The following TTF2 variants were observed in gnomAD, a reference collection of about 807,000 sequenced individuals.
TTF2 encodes RNA polymerase II termination factor.
In TTF2, 108 loss-of-function variants were observed where a neutral mutation model predicts 142.4. The observed-to-expected ratio is 0.76, with a 90% CI of 0.65 to 0.89. TTF2 has a LOEUF of 0.89. TTF2 is among the 40% of genes least tolerant of loss of function. The probability of loss-of-function intolerance (pLI) is 0.00; values close to 1 mark genes in which losing one functional copy is unlikely to be tolerated. For synonymous variants in TTF2, 483 were observed against 506.2 expected (o/e 0.95, Z 0.61); for missense variants, 1,327 against 1,379.8 (o/e 0.96, Z 0.61).
Position 117,100,305 on chromosome 1 carries a change from C to T in TTF2, c.3345-1075C>T, listed in dbSNP as rs905615327. Among the ~76,000 whole-genome samples, 1 of 152,150 alleles carries T rather than the reference C, an allele frequency of 6.6e-6. No homozygotes were observed. Among genetic ancestry groups the T allele is most frequent in the Non-Finnish European group, 1.5e-5 (1 of 68,026 alleles). On this transcript the variant is annotated intron_variant, in intron 22 of 22. Coordinates refer to ENST00000369466, the MANE Select transcript of TTF2 (RefSeq NM_003594.4). This position sits in a 1 kb window ranked among gnomAD's most constrained non-coding sequence, Gnocchi z 4.6. ...TTCTCGCTTTTCCACTTACCAAGTC[C>T]TTTAGTTATATTTTCTAAATGTTTC... is the stretch of plus-strand genomic sequence containing the variant.
chr1:117,061,842 C>T (rs1271093846), intron 2 of TTF2, among the ~76,000 whole-genome samples: 1 of 152,122 alleles, frequency 6.6e-6, no homozygotes, highest in Non-Finnish European at 1.5e-5. Flanking sequence ...AAAAAAGTGC[C>T]ACAGGTTTAG....
rs1278625942 is a variant in TTF2 at position 117,091,269 on chromosome 1, G to A, written c.2589-59G>A. On this transcript the variant is annotated intron_variant, in intron 15 of 22. Transcript: ENST00000369466. ...TTGTCAAGATCCCACTGCAGGCACA[G>A]TTAAGCAGGTCTTAGTGACCATTAT... is the stretch of plus-strand genomic sequence containing the variant. 1.0e-5 allele frequency: 15 copies of A among 1,453,166 alleles called. No homozygotes were observed. In the Admixed American group the frequency reaches 3.1e-4, roughly 30 times the overall value. 90.0% of individuals were successfully genotyped at this position (1,453,166 alleles called of 1,614,324 possible). A position where few individuals can be genotyped will look rare whatever the true frequency, so the allele number is the denominator to read the frequency against.
At position 117,087,930 on chromosome 1, in the gene TTF2, C is replaced by T. The variant is rs1364557681; in HGVS notation, c.2161-871C>T. 1.3e-5 allele frequency among the ~76,000 whole-genome samples: 2 copies of T among 152,194 alleles called. No individual in the cohort carries two copies. The highest frequency in any genetic ancestry group is 4.8e-5 in the African/African-American group (2 of 41,436). The stretch of plus-strand genomic sequence containing the variant: ...CAGACGTTGAGTATCCACTATGGGT[C>T]AGGTGCTGTTTCGTCAAGAGCAGCC... On this transcript the variant is annotated intron_variant, in intron 12 of 22. Coordinates refer to ENST00000369466, the MANE Select transcript of TTF2 (RefSeq NM_003594.4). The surrounding 1 kb of genome is among the most constrained non-coding windows in gnomAD (Gnocchi z 4.8).
Position 117,060,340 on chromosome 1 carries a change from C to G in TTF2, c.-7C>G, listed in dbSNP as rs747809358. ...GGGGCTTTGTGGAACTTGGGGGACC[C>G]AGCGAAATGGAAGAAGTTAGGTGTC... On this transcript the variant is annotated 5_prime_UTR_variant, in exon 1 of 23. Coordinates refer to ENST00000369466, the MANE Select transcript of TTF2 (RefSeq NM_003594.4). 6.3e-7 allele frequency: 1 copy of G among 1,594,722 alleles called. No individual in the cohort carries two copies. The highest frequency in any genetic ancestry group is 1.8e-5 in the Admixed American group (1 of 55,904).
At chr1:117,088,627 C>T (rs1384296774) in intron 12 of TTF2, among the ~76,000 whole-genome samples, 174 bp from the exon 13 acceptor site, 2 of 152,106 alleles carry the variant, frequency 1.3e-5, no homozygotes. Context: ...CTTATTTGAA[C>T]CAGTTGAGAC....
Position 117,065,905 on chromosome 1 carries a change from A to C in TTF2, c.218+3432A>C, listed in dbSNP as rs186141391. On this transcript the variant is annotated intron_variant, in intron 3 of 22. Coordinates refer to ENST00000369466, the MANE Select transcript of TTF2 (RefSeq NM_003594.4). ...TTGACCCAATTTGCATTAAAAGAAG[A>C]ACTATGGAGGACAGATTAGAAAGTG... is the stretch of plus-strand genomic sequence containing the variant. Among the ~76,000 whole-genome samples the C allele has an allele frequency of 2.5e-3, 376 of 152,104 alleles. 1 individual carries two copies. The highest frequency in any genetic ancestry group is 3.8e-3 in the Non-Finnish European group (257 of 67,976).
intron 3 of TTF2, among the ~76,000 whole-genome samples, chr1:117,069,313 G>T (rs996297480): frequency 2.6e-5 from 4 of 152,186 alleles, no homozygotes; most frequent in African/African-American, 9.6e-5. Flanking sequence ...AATTGAAGAC[G>T]TTCAGATGCG....
intron 11 of TTF2, 60 bp downstream of exon 11, chr1:117,084,228 G>A: frequency 6.3e-7 from 1 of 1,595,490 alleles, no homozygotes; most frequent in Non-Finnish European, 8.6e-7. Context: ...GGGCCCACGG[G>A]CCTTTGCTCC....
chr1:117,074,104 G>A (rs986650451), intron 4 of TTF2, among the ~76,000 whole-genome samples: 7 of 152,128 alleles, frequency 4.6e-5, no homozygotes, highest in Admixed American at 1.3e-4. Context: ...TTAGAACTAG[G>A]AGGAGCATCT....
At position 117,106,550 on chromosome 1, in the gene TTF2, T is replaced by G. The variant is rs540333859; in HGVS notation, c.*5026T>G. 2 of 152,338 alleles carry G rather than the reference T, an allele frequency of 1.3e-5. No homozygotes were observed. Among genetic ancestry groups the G allele is most frequent in the African/African-American group, 4.8e-5 (2 of 41,578 alleles). 9.4% of individuals were successfully genotyped at this position (152,338 alleles called of 1,614,324 possible). A position where few individuals can be genotyped will look rare whatever the true frequency, so the allele number is the denominator to read the frequency against. On this transcript the variant is annotated 3_prime_UTR_variant, in exon 23 of 23. Transcript: ENST00000369466. ...AAAAGTAAGCAAAAATGAAAAACTA[T>G]CCTGTCCTCCTGAGGCTTAGCATCT...
At position 117,092,607 on chromosome 1, in the gene TTF2, T is replaced by A; in HGVS notation, c.2806-124T>A. 1 of 1,060,370 alleles carries A rather than the reference T, an allele frequency of 9.4e-7. No individual in the cohort carries two copies. Among genetic ancestry groups the A allele is most frequent in the Non-Finnish European group, 1.3e-6 (1 of 742,476 alleles). 65.7% of individuals were successfully genotyped at this position (1,060,370 alleles called of 1,614,324 possible). On this transcript the variant is annotated intron_variant, in intron 17 of 22. Transcript: ENST00000369466. This position sits in a 1 kb window ranked among gnomAD's most constrained non-coding sequence, Gnocchi z 4.4. The stretch of plus-strand genomic sequence containing the variant: ...ACTTTAATCAAGGTGTCTTGAGGAG[T>A]TACTGATGACAAATTACAAGATATT...
chr1:117,081,773 G>A (rs1160388760), intron 9 of TTF2, 55 bp from the exon 10 acceptor site: 4 of 1,584,062 alleles, frequency 2.5e-6, no homozygotes, highest in Non-Finnish European at 2.6e-6. Context: ...CTTGAACTAG[G>A]GTTGATTATT....
chr1:117,088,799 A>G lies in TTF2; in HGVS notation c.2161-2A>G. ...GCTGGATTTCACTTGTGATTCTTCC[A>G]GGGCACCTCAACACCTTTGCTTCGA... On this transcript the variant is annotated splice_acceptor_variant, in intron 12 of 22. Transcript: ENST00000369466. LOFTEE classifies it high-confidence loss of function. 6.2e-7 allele frequency: 1 copy of G among 1,612,292 alleles called. No homozygotes were observed. Among genetic ancestry groups the G allele is most frequent in the East Asian group, 2.2e-5 (1 of 44,780 alleles).
In TTF2 at chr1:117,093,431, G is replaced by A. The variant is rs550866451; in HGVS notation, c.2976+530G>A. Among the ~76,000 whole-genome samples, 5 of 152,270 alleles carry A rather than the reference G, an allele frequency of 3.3e-5. No individual in the cohort carries two copies. Among genetic ancestry groups the A allele is most frequent in the South Asian group, 4.1e-4 (2 of 4,824 alleles). ...TGCTGGAGGAAGGCTTAGATATGCC[G>A]TAACCTGAATCCTGCCTGTCTGCTG... On this transcript the variant is annotated intron_variant, in intron 18 of 22. Coordinates refer to ENST00000369466, the MANE Select transcript of TTF2 (RefSeq NM_003594.4). This position sits in a 1 kb window ranked among gnomAD's most constrained non-coding sequence, Gnocchi z 4.5.
chr1:117,074,987 C>G lies in TTF2; in HGVS notation c.403C>G (p.Pro135Ala). ...PFKVLDKNQEPALWKQLIKGE... is the reference protein window; with the variant it reads ...PFKVLDKNQEAALWKQLIKGE... ...CAAGGTACTTGACAAGAATCAAGAA[C>G]CAGCTCTCTGGAAACAGCTCATCAA... Residue 135 changes from proline (P) to alanine (A), a missense_variant, in exon 5 of 23, where the codon CCA becomes GCA. Transcript: ENST00000369466. 3 of 1,613,850 alleles carry G rather than the reference C, an allele frequency of 1.9e-6. No individual in the cohort carries two copies. The highest frequency in any genetic ancestry group is 2.5e-6 in the Non-Finnish European group (3 of 1,180,000).
rs1218305324 is a variant in TTF2, at chr1:117,092,714, C to CT, written c.2806-11dup. The CT allele has an allele frequency of 1.9e-6, 3 of 1,605,648 alleles. No homozygotes were observed. In the African/African-American group the frequency reaches 4.0e-5, roughly 22 times the overall value. Reference sequence around the variant, plus strand: ...CCCTTGACTCCCAGCTGCTCCTGTCCTTTTTTGTCTGTTCAGGCCCTGGAT... The same window carrying CT: ...CCCTTGACTCCCAGCTGCTCCTGTCCTTTTTTTGTCTGTTCAGGCCCTGGAT... On this transcript the variant is annotated splice_polypyrimidine_tract_variant and intron_variant, in intron 17 of 22. Transcript: ENST00000369466. This position sits in a 1 kb window ranked among gnomAD's most constrained non-coding sequence, Gnocchi z 4.4.
At chr1:117,069,980 C>G (rs1322143619) in intron 3 of TTF2, among the ~76,000 whole-genome samples, 1 of 152,212 alleles carries the variant, frequency 6.6e-6, no homozygotes, top group Non-Finnish European at 1.5e-5. Flanking sequence ...TTTGCTTTCT[C>G]TGCGAAAATA....
In TTF2 at chr1:117,093,771, T is replaced by A. The variant is rs1281277535; in HGVS notation, c.2976+870T>A. On this transcript the variant is annotated intron_variant, in intron 18 of 22. Coordinates refer to ENST00000369466, the MANE Select transcript of TTF2 (RefSeq NM_003594.4). The surrounding 1 kb of genome is among the most constrained non-coding windows in gnomAD (Gnocchi z 4.5). ...GTGAGCTATTGGGCTAAAATTTAAA[T>A]TCCTAATCATTTGTGTTCCTTGTTT... Among the ~76,000 whole-genome samples, 2 of 152,212 alleles carry A rather than the reference T, an allele frequency of 1.3e-5. No homozygotes were observed. The highest frequency in any genetic ancestry group is 2.9e-5 in the Non-Finnish European group (2 of 68,030).
chr1:117,062,714 G>A (rs3820494), intron 3 of TTF2, among the ~76,000 whole-genome samples: 13,580 of 152,194 alleles, frequency 0.089, 814 homozygotes, highest in South Asian at 0.16. Flanking sequence ...CTCTCCAACT[G>A]TCAGGTAGCC....
Sources: allele counts gnomAD v4.1 joint callset (sites outside exome capture counted in the v4.1 genomes callset), GRCh38; gene constraint gnomAD v4.1.1; non-coding constraint Gnocchi (gnomAD v3.1); transcripts MANE v1.5; gene names NCBI Gene and HGNC (gene_info 2026-07-23, HGNC 2026-07-21).